The following PLCE1 variants were observed in gnomAD, a reference collection of about 807,000 sequenced individuals.
PLCE1 encodes the protein 1-phosphatidylinositol 4,5-bisphosphate phosphodiesterase epsilon-1.
Under a neutral mutation model 242.8 loss-of-function variants are expected in PLCE1, and 119 were observed. The observed-to-expected ratio is 0.49, with a 90% CI of 0.42 to 0.57. PLCE1 has a LOEUF of 0.57. Among genes scored for constraint, PLCE1 ranks in the 20% least tolerant of loss-of-function variants. The pLI, the probability that PLCE1 is intolerant of heterozygous loss-of-function variation, is 0.00. For missense variants in PLCE1, 2,441 were observed against 2,788.8 expected, an observed-to-expected ratio of 0.88 and a Z score of 2.81; for synonymous variants, 945 against 1,017.4, an observed-to-expected ratio of 0.93 and a Z score of 1.35.
At position 94,325,106 on chromosome 10, in the gene PLCE1, T is replaced by TATA. The variant is rs777144709; in HGVS notation, c.*24+3_*24+5dup. 1.2e-6 allele frequency: 2 copies of TATA among 1,601,008 alleles called. No homozygotes were observed. Among genetic ancestry groups the TATA allele is most frequent in the East Asian group, 4.5e-5 (2 of 44,826 alleles). On this transcript the variant is annotated splice_region_variant and intron_variant, in intron 32 of 32. Transcript: ENST00000371380. ...CTAAGGGCAGCATGTTTAACCCAGG[T>TATA]ATAGTAAGTCATTGCACCATCCTGG...
chr10:94,224,221 TA>T lies in PLCE1; in HGVS notation c.1810-3084del, dbSNP rs1317647185. ...CGGCAATGGAACAGTTGGTTTAAATTAGGTTTCCATGTGAAATATGGTATCG... is the reference window on the plus strand; with the variant it reads ...CGGCAATGGAACAGTTGGTTTAAATTGGTTTCCATGTGAAATATGGTATCG... On this transcript the variant is annotated intron_variant, in intron 4 of 32. Transcript: ENST00000371380. Among the ~76,000 whole-genome samples the T allele has an allele frequency of 2.6e-5, 4 of 152,254 alleles. No homozygotes were observed. In the East Asian group the frequency reaches 7.7e-4, roughly 29 times the overall value.
chr10:94,188,247 AC>A (rs1350959529), intron 4 of PLCE1, among the ~76,000 whole-genome samples: 1 of 152,224 alleles, frequency 6.6e-6, no homozygotes, highest in African/African-American at 2.4e-5. Flanking sequence ...AGAATAAAAA[AC>A]CTGTATATTT....
intron 2 of PLCE1, among the ~76,000 whole-genome samples, chr10:94,089,667 T>G (rs2044985527): frequency 6.6e-6 from 1 of 152,248 alleles, no homozygotes; most frequent in Non-Finnish European, 1.5e-5. Flanking sequence ...CCTGAGAGTT[T>G]ATTAGATGTT....
At chr10:94,257,385 A>G (rs757043542) in intron 11 of PLCE1, among the ~76,000 whole-genome samples, 1 of 152,174 alleles carries the variant, frequency 6.6e-6, no homozygotes, top group African/African-American at 2.4e-5. Context: ...CTCTAGAACT[A>G]GAAATACCAT....
At chr10:94,066,389 C>T (rs1158559834) in intron 2 of PLCE1, among the ~76,000 whole-genome samples, 1 of 152,046 alleles carries the variant, frequency 6.6e-6, no homozygotes, top group East Asian at 1.9e-4. Context: ...GGAATTGTAT[C>T]CTTCAACAAA....
chr10:94,163,120 A>C (rs1379349038), intron 3 of PLCE1, among the ~76,000 whole-genome samples: 2 of 152,194 alleles, frequency 1.3e-5, no homozygotes, highest in Admixed American at 1.3e-4. Context: ...TGCTGAAAAG[A>C]ATGTATATTC....
At position 94,323,621 on chromosome 10, in the gene PLCE1, ATGT is replaced by A. The variant is rs1306244352; in HGVS notation, c.6502-726_6502-724del. Among the ~76,000 whole-genome samples, 3 of 152,224 alleles carry A rather than the reference ATGT, an allele frequency of 2.0e-5. No homozygotes were observed. In the East Asian group the frequency reaches 5.8e-4, roughly 29 times the overall value. On this transcript the variant is annotated intron_variant, in intron 30 of 32. Coordinates refer to ENST00000371380, the MANE Select transcript of PLCE1 (RefSeq NM_016341.4). ...TCCTTGAAGGTTAAGTATATGTAAG[ATGT>A]TTAATACAATGCCTAGCAAATGGTA...
chr10:94,017,110 A>C (rs1312992846), intron 1 of PLCE1, among the ~76,000 whole-genome samples: 1 of 151,934 alleles, frequency 6.6e-6, no homozygotes, highest in Non-Finnish European at 1.5e-5. Context: ...CCCACCCCCA[A>C]CCCCCATCAG....
intron 7 of PLCE1, among the ~76,000 whole-genome samples, chr10:94,243,614 G>A (rs959873304): frequency 2.6e-5 from 4 of 152,088 alleles, no homozygotes; most frequent in Non-Finnish European, 5.9e-5. Flanking sequence ...AAAGTTTATC[G>A]AAACAGTGTA....
intron 2 of PLCE1, among the ~76,000 whole-genome samples, chr10:94,102,677 G>A (rs761018527): frequency 1.3e-5 from 2 of 152,136 alleles, no homozygotes; most frequent in Non-Finnish European, 2.9e-5. Context: ...TCATGCCAGC[G>A]CCTCTCCCAT....
intron 2 of PLCE1, among the ~76,000 whole-genome samples, chr10:94,127,987 CTTTTT>C (rs33916545): frequency 8.5e-6 from 1 of 118,312 alleles, no homozygotes. Flanking sequence ...AATACCTTGA[CTTTTT>C]TTTTTTTTTT....
At chr10:94,197,982 CAAAAAAAAAAAAA>C (rs3053181) in intron 4 of PLCE1, among the ~76,000 whole-genome samples, 6 of 58,350 alleles carry the variant, frequency 1.0e-4, no homozygotes, top group Non-Finnish European at 1.5e-4. Flanking sequence ...GACTCTGTCT[CAAAAAAAAAAAAA>C]AAAAAAAAAA....
rs2061543222 is a variant in PLCE1, at chr10:94,030,845, T to C, written c.-202T>C. On this transcript the variant is annotated 5_prime_UTR_variant, in exon 2 of 33. Transcript: ENST00000371380. ...CCTTAAAACCCTGATCTAGAAAAAA[T>C]ATATATTCATGATAGGAAGTTATAA... 3.4e-6 allele frequency: 2 copies of C among 596,576 alleles called. No individual in the cohort carries two copies. The highest frequency in any genetic ancestry group is 3.7e-5 in the African/African-American group (2 of 53,626). 37.0% of individuals were successfully genotyped at this position (596,576 alleles called of 1,614,324 possible). A position where few individuals can be genotyped will look rare whatever the true frequency, so the allele number is the denominator to read the frequency against.
At chr10:94,182,453 A>G (rs1739008342) in intron 4 of PLCE1, among the ~76,000 whole-genome samples, 1 of 148,268 alleles carries the variant, frequency 6.7e-6, no homozygotes, top group Admixed American at 6.7e-5. Context: ...TTTTTTTAGT[A>G]GAGATGGGGT....
In PLCE1 at chr10:94,315,193, A is replaced by T. The variant is rs1284763019; in HGVS notation, c.6133-1354A>T. On this transcript the variant is annotated intron_variant, in intron 28 of 32. Coordinates refer to ENST00000371380, the MANE Select transcript of PLCE1 (RefSeq NM_016341.4). The stretch of plus-strand genomic sequence containing the variant: ...ACAGCATTTCATCATTTATAGACCA[A>T]GGGCTGGGGTGGAGAGATTTCAGTC... 3 of 325,520 alleles carry T rather than the reference A, an allele frequency of 9.2e-6. No homozygotes were observed. In the Admixed American group the frequency reaches 1.2e-4, roughly 13 times the overall value. The allele number at this position is 325,520 out of a possible 1,614,324, so 20.2% of individuals were successfully genotyped here. A position where few individuals can be genotyped will look rare whatever the true frequency, so the allele number is the denominator to read the frequency against.
rs1046001262 is a variant in PLCE1, at chr10:94,330,621, C to T, written c.*2678C>T. 4.0e-5 allele frequency: 6 copies of T among 150,350 alleles called. No homozygotes were observed. The highest frequency in any genetic ancestry group is 1.2e-4 in the African/African-American group (5 of 40,652). The allele number at this position is 150,350 out of a possible 1,614,324, so 9.3% of individuals were successfully genotyped here. A position where few individuals can be genotyped will look rare whatever the true frequency, so the allele number is the denominator to read the frequency against. On this transcript the variant is annotated 3_prime_UTR_variant, in exon 33 of 33. Coordinates refer to ENST00000371380, the MANE Select transcript of PLCE1 (RefSeq NM_016341.4). ...AGGAGAGAATTGCCTGAACTCAAGA[C>T]GCAGAGGTTGCAGTGAGTGGAGACT...
At chr10:94,097,729 G>T (rs1374136710) in intron 2 of PLCE1, among the ~76,000 whole-genome samples, 1 of 152,176 alleles carries the variant, frequency 6.6e-6, no homozygotes, top group African/African-American at 2.4e-5. Context: ...TCAGCTATTT[G>T]CACAGAAAGG....
chr10:94,272,972 G>A (rs995158309), intron 18 of PLCE1, among the ~76,000 whole-genome samples: 18 of 152,136 alleles, frequency 1.2e-4, no homozygotes, highest in Middle Eastern at 3.4e-3. Context: ...AGGCTGAGGC[G>A]GGTGGATCGC....
chr10:94,101,875 G>A (rs944365675), intron 2 of PLCE1, among the ~76,000 whole-genome samples: 16 of 152,168 alleles, frequency 1.1e-4, no homozygotes, highest in African/African-American at 3.6e-4. Flanking sequence ...TCTCTTGTGC[G>A]GTGGTGGGCA....
Sources: allele counts gnomAD v4.1 joint callset (sites outside exome capture counted in the v4.1 genomes callset), GRCh38; gene constraint gnomAD v4.1.1; transcripts MANE v1.5; gene names NCBI Gene and HGNC (gene_info 2026-07-23, HGNC 2026-07-21).